The following EPB41L2 variants were observed in gnomAD, a reference collection of about 807,000 sequenced individuals.
EPB41L2 encodes the protein erythrocyte membrane protein band 4.1 like 2, also known as band 4.1-like protein 2.
A neutral mutation model predicts 113.0 loss-of-function variants in EPB41L2; 43 were observed. The observed-to-expected ratio is 0.38, with a 90% CI of 0.30 to 0.49. The LOEUF is 0.49. Ranked by LOEUF, EPB41L2 falls within the 20% of genes least tolerant of loss-of-function variation. The pLI, the probability that EPB41L2 is intolerant of heterozygous loss-of-function variation, is 0.95. For synonymous variants in EPB41L2, 442 were observed against 436.7 expected, an observed-to-expected ratio of 1.01 and a Z score of -0.15; for missense variants, 1,147 against 1,223.4, an observed-to-expected ratio of 0.94 and a Z score of 0.93.
intron 1 of EPB41L2, among the ~76,000 whole-genome samples, chr6:131,009,248 C>T (rs984930687): frequency 3.3e-5 from 5 of 152,210 alleles, no homozygotes; most frequent in Non-Finnish European, 5.9e-5. Context: ...TTTCCCCCTT[C>T]AGTCGGCACT....
chr6:130,960,465 A>G (rs940904329), intron 1 of EPB41L2, among the ~76,000 whole-genome samples: 3 of 152,196 alleles, frequency 2.0e-5, no homozygotes, highest in African/African-American at 7.2e-5. Flanking sequence ...AGACAGGAAG[A>G]GCACCGACAA....
intron 3 of EPB41L2, among the ~76,000 whole-genome samples, chr6:130,943,401 C>A (rs1195076602): frequency 6.6e-6 from 1 of 152,102 alleles, no homozygotes. Flanking sequence ...CTTACTCGAC[C>A]CTGAAGTAAT....
intron 1 of EPB41L2, among the ~76,000 whole-genome samples, chr6:131,044,685 C>T (rs1048728749): frequency 6.6e-6 from 1 of 152,136 alleles, no homozygotes; most frequent in African/African-American, 2.4e-5. Context: ...GAAAGCACTC[C>T]ATTCCAAGGC....
rs1419282854 is a variant in EPB41L2, at chr6:131,023,707, A to ATG, written c.-15+39446_-15+39447dup. Among the ~76,000 whole-genome samples, 111 of 136,280 alleles carry ATG rather than the reference A, an allele frequency of 8.1e-4. 1 individual carries two copies. The highest frequency in any genetic ancestry group is 3.7e-3 in the Middle Eastern group (1 of 272). The allele number at this position is 136,280 out of a possible 152,430, so 89.4% of individuals were successfully genotyped here. On this transcript the variant is annotated intron_variant, in intron 1 of 19. Coordinates refer to ENST00000337057, the MANE Select transcript of EPB41L2 (RefSeq NM_001431.4). ...CTCAAAAACAGAAGAAGAAAAAAAAATGTGTGCGTGTGTGTGTGTGTGTAT... is the reference window on the plus strand; with the variant it reads ...CTCAAAAACAGAAGAAGAAAAAAAAATGTGTGTGCGTGTGTGTGTGTGTGTAT...
intron 1 of EPB41L2, among the ~76,000 whole-genome samples, chr6:131,040,330 T>C (rs1284741205): frequency 6.6e-6 from 1 of 152,068 alleles, no homozygotes; most frequent in Non-Finnish European, 1.5e-5. Flanking sequence ...TCCCAGCTGC[T>C]TGGGAGGCTG....
intron 1 of EPB41L2, among the ~76,000 whole-genome samples, chr6:130,994,560 T>C (rs1408349648): frequency 6.6e-6 from 1 of 152,218 alleles, no homozygotes; most frequent in Non-Finnish European, 1.5e-5. Flanking sequence ...GGACTTTGCA[T>C]GGTCTGCCCC....
At chr6:131,033,173 C>T (rs1298545907) in intron 1 of EPB41L2, among the ~76,000 whole-genome samples, 1 of 151,330 alleles carries the variant, frequency 6.6e-6, no homozygotes, top group Non-Finnish European at 1.5e-5. Context: ...TGTGCCTGGC[C>T]AGGATGGCTA....
At chr6:130,927,300 A>C (rs565949839) in intron 3 of EPB41L2, among the ~76,000 whole-genome samples, 1 of 152,296 alleles carries the variant, frequency 6.6e-6, no homozygotes, top group Admixed American at 6.5e-5. Flanking sequence ...CAAGAAATCA[A>C]CTGCCCCTAA....
intron 5 of EPB41L2, 62 bp from the exon 6 acceptor site, chr6:130,904,602 A>T: frequency 8.7e-7 from 1 of 1,153,566 alleles, no homozygotes. Flanking sequence ...ATTGTGATAA[A>T]ATTTAAAGGT....
chr6:130,955,339 A>G (rs1817066290), intron 2 of EPB41L2, 22 bp from the exon 3 acceptor site: 2 of 1,607,074 alleles, frequency 1.2e-6, no homozygotes, highest in African/African-American at 2.7e-5. Flanking sequence ...AAAAAAATAA[A>G]TTCATACTAT....
rs1236533820 is a variant in EPB41L2 at position 130,878,111 on chromosome 6, G to A, written c.2036C>T (p.Thr679Ile). ...AAATAGCTAATGACATACCCCTTGT[G>A]TCTGTAGGGACAGAGGTGTGATACG... ...KRRITPLSLQ[T>I]QGSSHETLNI... is the part of the protein sequence containing the mutation. The change falls in exon 14 of 20, where the codon ACA (threonine) becomes ATA (isoleucine). Residue 679 changes from threonine to isoleucine, a missense_variant. Coordinates refer to ENST00000337057, the MANE Select transcript of EPB41L2 (RefSeq NM_001431.4). The A allele has an allele frequency of 1.3e-5, 21 of 1,608,482 alleles. No individual in the cohort carries two copies. The highest frequency in any genetic ancestry group is 1.6e-5 in the Non-Finnish European group (19 of 1,178,192).
chr6:130,962,220 C>A (rs1003072433), intron 1 of EPB41L2, among the ~76,000 whole-genome samples: 1 of 151,626 alleles, frequency 6.6e-6, no homozygotes, highest in African/African-American at 2.4e-5. Flanking sequence ...AGAGGTGATG[C>A]TTCTCAAATA....
At chr6:131,037,691 C>A (rs934227136) in intron 1 of EPB41L2, among the ~76,000 whole-genome samples, 1 of 149,580 alleles carries the variant, frequency 6.7e-6, no homozygotes, top group Non-Finnish European at 1.5e-5. Context: ...TGGGCTCAAG[C>A]GATTCTCCTG....
chr6:131,045,456 T>G (rs1046984863), intron 1 of EPB41L2, among the ~76,000 whole-genome samples: 5 of 145,868 alleles, frequency 3.4e-5, no homozygotes, highest in South Asian at 4.3e-4. Flanking sequence ...GAGATATGAG[T>G]TAACAGATTA....
intron 19 of EPB41L2, among the ~76,000 whole-genome samples, chr6:130,857,099 G>A (rs74711624): frequency 0.047 from 7,123 of 152,122 alleles, 233 homozygotes; most frequent in East Asian, 0.12. Flanking sequence ...GTTTAATGTG[G>A]ATATTTTTTA....
At chr6:130,976,697 C>A (rs985279550) in intron 1 of EPB41L2, among the ~76,000 whole-genome samples, 1 of 152,210 alleles carries the variant, frequency 6.6e-6, no homozygotes, top group Admixed American at 6.5e-5. Context: ...TTAACAAATC[C>A]TTCTTGTCTG....
chr6:131,004,315 C>T (rs1205131615), intron 1 of EPB41L2, among the ~76,000 whole-genome samples: 1 of 152,094 alleles, frequency 6.6e-6, no homozygotes, highest in Admixed American at 6.5e-5. Context: ...GGTGTAAGCT[C>T]CAATCCTCAA....
intron 18 of EPB41L2, among the ~76,000 whole-genome samples, chr6:130,861,365 C>A (rs1465535403): frequency 1.3e-5 from 2 of 152,184 alleles, no homozygotes; most frequent in African/African-American, 2.4e-5. Context: ...AGCCACCGCC[C>A]CCAGCCTGAA....
intron 15 of EPB41L2, chr6:130,867,795 T>G: frequency 1.2e-5 from 6 of 504,502 alleles, no homozygotes; most frequent in East Asian, 3.8e-5. Flanking sequence ...CATGTGCACA[T>G]AGATACGTAC....
Sources: gnomAD v4.1 joint callset for allele counts (sites outside exome capture counted in the v4.1 genomes callset) on GRCh38, gnomAD v4.1.1 for gene constraint, MANE v1.5 for transcripts, NCBI Gene and HGNC (gene_info 2026-07-23, HGNC 2026-07-21) for gene names.